Variants in PRR16 observed in about 807,000 individuals in gnomAD.
PRR16 encodes proline rich 16.
A neutral mutation model predicts 18.2 loss-of-function variants in PRR16; 6 were observed. That is an observed-to-expected ratio of 0.33 (90% CI 0.18 to 0.65). The LOEUF (loss-of-function observed/expected upper bound fraction) is 0.65. Among genes scored for constraint, PRR16 ranks in the 30% least tolerant of loss-of-function variants. The pLI is 0.74. For missense variants in PRR16, 412 were observed against 376.6 expected (o/e 1.09, Z -0.78); for synonymous variants, 151 against 147.8 (o/e 1.02, Z -0.16).
At chr5:120,767,865 T>C in the PRR16 span, among the ~76,000 whole-genome samples, 4 of 151,812 alleles carry the variant, frequency 2.6e-5, no homozygotes, top group African/African-American at 9.7e-5. Flanking sequence ...TTAAAAAAAT[T>C]CACAACTTAG....
chr5:120,571,618 A>G (rs1053489769), intron 1 of PRR16, among the ~76,000 whole-genome samples: 10 of 152,134 alleles, frequency 6.6e-5, no homozygotes, highest in African/African-American at 2.4e-4. Flanking sequence ...GCTTAGAATG[A>G]AGGAGATCAG....
At chr5:120,526,545 T>A (rs570748126) in intron 1 of PRR16, among the ~76,000 whole-genome samples, 2 of 152,110 alleles carry the variant, frequency 1.3e-5, no homozygotes, top group African/African-American at 4.8e-5. Flanking sequence ...TGAGCTCAAC[T>A]GTGTGTCCAA....
At chr5:120,520,921 C>T (rs539299306) in intron 1 of PRR16, among the ~76,000 whole-genome samples, 1 of 151,486 alleles carries the variant, frequency 6.6e-6, no homozygotes, top group African/African-American at 2.4e-5. Flanking sequence ...TTATACACAG[C>T]ATCATAGGTC....
At chr5:120,758,861 A>C in the PRR16 span, among the ~76,000 whole-genome samples, 1 of 152,198 alleles carries the variant, frequency 6.6e-6, no homozygotes. Flanking sequence ...TATCAGTTAT[A>C]TAACTTTGTC....
chr5:120,569,257 T>C (rs975141520), intron 1 of PRR16, among the ~76,000 whole-genome samples: 2 of 152,204 alleles, frequency 1.3e-5, no homozygotes, highest in African/African-American at 4.8e-5. Flanking sequence ...TTTCATAAGC[T>C]TGTGAATTTT....
At chr5:120,780,911 G>T in the PRR16 span, among the ~76,000 whole-genome samples, 1 of 152,078 alleles carries the variant, frequency 6.6e-6, no homozygotes, top group African/African-American at 2.4e-5. Flanking sequence ...TTAGTTGGGC[G>T]TGGTGGCAGG....
chr5:120,492,025 T>C (rs546373863), intron 1 of PRR16, among the ~76,000 whole-genome samples: 3 of 152,188 alleles, frequency 2.0e-5, no homozygotes, highest in African/African-American at 7.2e-5. Context: ...AAAATGTAAA[T>C]AGGGTTTGTA....
At chr5:120,509,749 C>T (rs538116206) in intron 1 of PRR16, among the ~76,000 whole-genome samples, 13 of 152,184 alleles carry the variant, frequency 8.5e-5, no homozygotes, top group East Asian at 3.9e-4. Context: ...GGCCTGAAGT[C>T]GTCAGGTGAA....
chr5:120,672,849 A>G (rs1052193107), intron 1 of PRR16, among the ~76,000 whole-genome samples: 1 of 152,176 alleles, frequency 6.6e-6, no homozygotes, highest in Non-Finnish European at 1.5e-5. Context: ...TTGAGTTACA[A>G]TTTCTTTCTG....
At chr5:120,637,470 C>A (rs1231572304) in intron 1 of PRR16, among the ~76,000 whole-genome samples, 1 of 151,760 alleles carries the variant, frequency 6.6e-6, no homozygotes, top group African/African-American at 2.4e-5. Flanking sequence ...TACTACTCAG[C>A]CATAAAAAGG....
the PRR16 span, among the ~76,000 whole-genome samples, chr5:120,769,265 T>C: frequency 1.3e-5 from 2 of 151,826 alleles, no homozygotes; most frequent in Non-Finnish European, 2.9e-5. Context: ...TGTGGACATA[T>C]GCAAACACTA....
intron 1 of PRR16, among the ~76,000 whole-genome samples, chr5:120,514,299 C>T (rs974032218): frequency 1.1e-4 from 16 of 152,074 alleles, no homozygotes; most frequent in African/African-American, 3.6e-4. Context: ...GTCATTCTTC[C>T]ATTGTCTTGA....
At chr5:120,772,428 T>C in the PRR16 span, among the ~76,000 whole-genome samples, 1 of 152,110 alleles carries the variant, frequency 6.6e-6, no homozygotes, top group Non-Finnish European at 1.5e-5. Context: ...GAATGCATAA[T>C]TCAATAATGG....
rs147055242 is a variant in PRR16 at position 120,533,948 on chromosome 5, G to C, written c.159+69303G>C. ...GAAAGTATAACAAGGCTTCCTGAGAGATTGGAGTTCAAGGTGAATTTAAGT... is the reference window on the plus strand; with the variant it reads ...GAAAGTATAACAAGGCTTCCTGAGACATTGGAGTTCAAGGTGAATTTAAGT... On this transcript the variant is annotated intron_variant, in intron 1 of 1. Transcript: ENST00000407149. Among the ~76,000 whole-genome samples, 20 of 152,300 alleles carry C rather than the reference G, an allele frequency of 1.3e-4. No homozygotes were observed. In the East Asian group the frequency reaches 2.9e-3, roughly 22 times the overall value.
intron 1 of PRR16, among the ~76,000 whole-genome samples, chr5:120,640,407 G>T (rs1225533036): frequency 6.6e-6 from 1 of 152,046 alleles, no homozygotes. Flanking sequence ...TAACATGTTT[G>T]GTGCCATGTA....
At position 120,659,544 on chromosome 5, in the gene PRR16, C is replaced by T. The variant is rs1756103992; in HGVS notation, c.160-26410C>T. Among the ~76,000 whole-genome samples, 4 of 151,978 alleles carry T rather than the reference C, an allele frequency of 2.6e-5. No individual in the cohort carries two copies. The South Asian group carries it at 6.2e-4, about 24-fold the overall frequency. On this transcript the variant is annotated intron_variant, in intron 1 of 1. Coordinates refer to ENST00000407149, the MANE Select transcript of PRR16 (RefSeq NM_001300783.2). The stretch of plus-strand genomic sequence containing the variant: ...CAAGGCAGGTAATTGGGATATCTAT[C>T]ATCTCAAACATTTATCTTTTCTTTA...
At chr5:120,668,934 T>G (rs1756494179) in intron 1 of PRR16, among the ~76,000 whole-genome samples, 1 of 152,136 alleles carries the variant, frequency 6.6e-6, no homozygotes, top group Non-Finnish European at 1.5e-5. Context: ...CCGCATCAAA[T>G]AAATGTTTTA....
At chr5:120,480,492 CT>C (rs1749576054) in intron 1 of PRR16, among the ~76,000 whole-genome samples, 1 of 152,090 alleles carries the variant, frequency 6.6e-6, no homozygotes, top group African/African-American at 2.4e-5. Context: ...TAATGTTTTT[CT>C]TTTTGTGCTC....
the PRR16 span, among the ~76,000 whole-genome samples, chr5:120,704,865 C>A: frequency 6.6e-6 from 1 of 152,050 alleles, no homozygotes; most frequent in East Asian, 1.9e-4. Flanking sequence ...CATTTTTTCA[C>A]CATATGTGTA....
Sources: allele counts gnomAD v4.1 joint callset (sites outside exome capture counted in the v4.1 genomes callset), GRCh38; gene constraint gnomAD v4.1.1; transcripts MANE v1.5; gene names NCBI Gene and HGNC (gene_info 2026-07-23, HGNC 2026-07-21).